The following CCSER2 variants were observed in gnomAD, a reference collection of about 807,000 sequenced individuals.
The protein encoded by CCSER2 is serine-rich coiled-coil domain-containing protein 2.
A neutral mutation model predicts 92.3 loss-of-function variants in CCSER2; 46 were observed. That is an observed-to-expected ratio of 0.50 (90% CI 0.39 to 0.64). The LOEUF (loss-of-function observed/expected upper bound fraction) is 0.64. Ranked by LOEUF, CCSER2 falls within the 30% of genes least tolerant of loss-of-function variation. CCSER2 has a pLI of 0.00. For synonymous variants in CCSER2, 433 were observed against 431.4 expected (o/e 1.00, Z -0.04); for missense variants, 1,244 against 1,238.9 (o/e 1.00, Z -0.06).
At chr10:84,504,864 G>T (rs79856296) in intron 9 of CCSER2, among the ~76,000 whole-genome samples, 1 of 152,096 alleles carries the variant, frequency 6.6e-6, no homozygotes, top group South Asian at 2.1e-4. Flanking sequence ...AATAAATGAT[G>T]TAGTAATTTG....
At chr10:84,469,806 C>T (rs1478641069) in intron 7 of CCSER2, among the ~76,000 whole-genome samples, 1 of 152,026 alleles carries the variant, frequency 6.6e-6, no homozygotes, top group East Asian at 1.9e-4. Flanking sequence ...TCAGGAGGTA[C>T]TCCTCAAAAA....
chr10:84,504,460 T>A (rs1848937699), intron 9 of CCSER2, among the ~76,000 whole-genome samples: 1 of 152,204 alleles, frequency 6.6e-6, no homozygotes, highest in African/African-American at 2.4e-5. Context: ...AACGTTGATC[T>A]TACTGAATGC....
chr10:84,475,908 CTG>C (rs1360091418), intron 8 of CCSER2, among the ~76,000 whole-genome samples: 1 of 122,104 alleles, frequency 8.2e-6, no homozygotes, highest in Admixed American at 9.1e-5. Context: ...TCTCAGCACA[CTG>C]TGGCCTCAAC....
intron 5 of CCSER2, among the ~76,000 whole-genome samples, chr10:84,427,282 ACT>A (rs1343956730): frequency 6.6e-5 from 10 of 151,504 alleles, no homozygotes; most frequent in Non-Finnish European, 1.5e-5. Flanking sequence ...GTTTATTGAA[ACT>A]CTCAATCTTT....
At chr10:84,440,128 AATTGGTAACCAATG>A (rs1844436646) in intron 6 of CCSER2, among the ~76,000 whole-genome samples, 1 of 152,204 alleles carries the variant, frequency 6.6e-6, no homozygotes, top group Non-Finnish European at 1.5e-5. Context: ...GTAGTAGGTG[AATTGGTAACCAATG>A]ATTGGTACCA....
chr10:84,479,893 A>T (rs1847359636), intron 9 of CCSER2, among the ~76,000 whole-genome samples: 1 of 152,114 alleles, frequency 6.6e-6, no homozygotes, highest in South Asian at 2.1e-4. Context: ...TAGCTCTGGG[A>T]AGGGAGGACA....
chr10:84,406,272 G>A (rs1842371006), intron 3 of CCSER2, among the ~76,000 whole-genome samples: 1 of 152,206 alleles, frequency 6.6e-6, no homozygotes, highest in Non-Finnish European at 1.5e-5. Context: ...TGGGAGGAGG[G>A]TGTAACTATA....
At chr10:84,483,558 T>C (rs539621459) in intron 9 of CCSER2, among the ~76,000 whole-genome samples, 1 of 152,188 alleles carries the variant, frequency 6.6e-6, no homozygotes, top group South Asian at 2.1e-4. Context: ...GAGACAGATT[T>C]TACCTAGTTT....
At chr10:84,353,628 A>G (rs1017779199) in intron 1 of CCSER2, among the ~76,000 whole-genome samples, 2 of 152,114 alleles carry the variant, frequency 1.3e-5, no homozygotes, top group Non-Finnish European at 2.9e-5. Flanking sequence ...AGGTGGGTGA[A>G]TGGGGCCTGC....
At chr10:84,463,260 G>A (rs970167572) in intron 6 of CCSER2, among the ~76,000 whole-genome samples, 1 of 152,144 alleles carries the variant, frequency 6.6e-6, no homozygotes, top group African/African-American at 2.4e-5. Flanking sequence ...CCAATCTTAA[G>A]TGTACAGCTC....
intron 6 of CCSER2, among the ~76,000 whole-genome samples, chr10:84,457,305 T>TATAATATA: frequency 2.0e-5 from 1 of 49,224 alleles, no homozygotes; most frequent in Admixed American, 4.0e-4. Flanking sequence ...ATATATAATA[T>TATAATATA]GTTATATATA....
At chr10:84,400,116 T>C (rs1303742981) in intron 3 of CCSER2, among the ~76,000 whole-genome samples, 1 of 152,202 alleles carries the variant, frequency 6.6e-6, no homozygotes, top group Non-Finnish European at 1.5e-5. Context: ...GAGTTGTTTA[T>C]ATTTTCTTGA....
At chr10:84,468,556 A>G (rs886789757) in intron 7 of CCSER2, among the ~76,000 whole-genome samples, 3 of 152,210 alleles carry the variant, frequency 2.0e-5, no homozygotes, top group Non-Finnish European at 2.9e-5. Flanking sequence ...TGCTATATAC[A>G]TGCTGGCTAT....
intron 6 of CCSER2, among the ~76,000 whole-genome samples, chr10:84,440,398 T>C (rs1844454742): frequency 6.6e-6 from 1 of 152,208 alleles, no homozygotes; most frequent in Non-Finnish European, 1.5e-5. Context: ...TTTCATGTCA[T>C]TGCCTCTTTA....
intron 1 of CCSER2, among the ~76,000 whole-genome samples, chr10:84,362,068 T>G (rs1177585790): frequency 6.6e-6 from 1 of 152,228 alleles, no homozygotes; most frequent in East Asian, 1.9e-4. Context: ...TTCTGGTGAA[T>G]CAAACCCAGT....
intron 6 of CCSER2, among the ~76,000 whole-genome samples, chr10:84,440,247 A>G (rs548395543): frequency 1.2e-4 from 19 of 152,194 alleles, no homozygotes; most frequent in Non-Finnish European, 2.6e-4. Flanking sequence ...ACTCTTAGGT[A>G]CTACACACGG....
At chr10:84,423,963 A>G (rs1343539686) in intron 4 of CCSER2, among the ~76,000 whole-genome samples, 7 of 147,660 alleles carry the variant, frequency 4.7e-5, no homozygotes, top group Admixed American at 3.4e-4. Context: ...CCTGGCCAGC[A>G]TAGCAAGTCC....
chr10:84,449,078 A>T (rs1461402595), intron 6 of CCSER2, among the ~76,000 whole-genome samples: 1 of 152,234 alleles, frequency 6.6e-6, no homozygotes, highest in African/African-American at 2.4e-5. Flanking sequence ...GAATAAATGT[A>T]ATTAAGAAAA....
intron 9 of CCSER2, among the ~76,000 whole-genome samples, chr10:84,488,486 G>A (rs929152429): frequency 3.3e-5 from 5 of 152,106 alleles, no homozygotes; most frequent in Admixed American, 6.6e-5. Flanking sequence ...TATGTGTCGA[G>A]GAATTTATCC....
Sources: gnomAD v4.1 joint callset for allele counts (sites outside exome capture counted in the v4.1 genomes callset) on GRCh38, gnomAD v4.1.1 for gene constraint, MANE v1.5 for transcripts, NCBI Gene and HGNC (gene_info 2026-07-23, HGNC 2026-07-21) for gene names.